LRIG1: variants seen among roughly 807,000 people sequenced by gnomAD.
The protein encoded by LRIG1 is leucine-rich repeats and immunoglobulin-like domains protein 1.
In LRIG1, 48 loss-of-function variants were observed where a neutral mutation model predicts 99.2. The observed-to-expected ratio is 0.48, with a 90% CI of 0.38 to 0.62. The LOEUF (loss-of-function observed/expected upper bound fraction) is 0.62. Ranked by LOEUF, LRIG1 falls within the 20% of genes least tolerant of loss-of-function variation. LRIG1 has a pLI of 0.00. For synonymous variants in LRIG1, 772 were observed against 596.1 expected (o/e 1.29, Z -4.30); for missense variants, 1,646 against 1,434.4 (o/e 1.15, Z -2.38).
intron 12 of LRIG1, among the ~76,000 whole-genome samples, chr3:66,391,694 G>A (rs1701625365): frequency 2.0e-5 from 3 of 152,074 alleles, no homozygotes; most frequent in Non-Finnish European, 2.9e-5. Context: ...AGATAATAGT[G>A]ATGGTTACAC....
chr3:66,476,385 C>A (rs1199798100), intron 1 of LRIG1, among the ~76,000 whole-genome samples: 1 of 152,136 alleles, frequency 6.6e-6, no homozygotes, highest in African/African-American at 2.4e-5. Flanking sequence ...CTCCTCTCCC[C>A]CAGATAAGGG....
chr3:66,384,462 C>T (rs1317980536), intron 13 of LRIG1, among the ~76,000 whole-genome samples, 190 bp from the exon 14 acceptor site: 1 of 152,168 alleles, frequency 6.6e-6, no homozygotes, highest in East Asian at 1.9e-4. Flanking sequence ...AGTTGGAACA[C>T]TTCCATCCCA....
chr3:66,465,457 G>C (rs13096693), intron 1 of LRIG1, among the ~76,000 whole-genome samples: 7 of 138,720 alleles, frequency 5.0e-5, no homozygotes, highest in African/African-American at 1.9e-4. Context: ...TCCACCTCTT[G>C]TTTTCAAGCA....
At chr3:66,391,390 G>A (rs982880726) in intron 12 of LRIG1, among the ~76,000 whole-genome samples, 1 of 152,022 alleles carries the variant, frequency 6.6e-6, no homozygotes, top group Non-Finnish European at 1.5e-5. Flanking sequence ...CAAAAAGTGG[G>A]GACAATCTAA....
At chr3:66,431,341 G>A (rs1024114251) in intron 3 of LRIG1, among the ~76,000 whole-genome samples, 1 of 152,248 alleles carries the variant, frequency 6.6e-6, no homozygotes, top group East Asian at 1.9e-4. Context: ...CAGAAAAGGT[G>A]AGATGGCAAC....
intron 2 of LRIG1, among the ~76,000 whole-genome samples, chr3:66,453,477 A>G (rs1257987622): frequency 6.6e-6 from 1 of 152,206 alleles, no homozygotes; most frequent in African/African-American, 2.4e-5. Flanking sequence ...GCAGTGGCCC[A>G]GGGTGCCTAG....
At chr3:66,460,475 T>TG (rs1324282341) in intron 2 of LRIG1, among the ~76,000 whole-genome samples, 1 of 152,160 alleles carries the variant, frequency 6.6e-6, no homozygotes, top group Non-Finnish European at 1.5e-5. Context: ...CATTTGGAGA[T>TG]GGGGCCTTTG....
In LRIG1 at chr3:66,414,971, C is replaced by T. The variant is rs1401949605; in HGVS notation, c.596G>A (p.Arg199Lys). The change falls in exon 5 of 19, where the codon AGG becomes AAG. Residue 199 changes from arginine (R) to lysine (K), a missense_variant. Transcript: ENST00000273261. ...SLLTLRLSKNRITQLPVRAFK... is the reference protein window; with the variant it reads ...SLLTLRLSKNKITQLPVRAFK... ...TGCTCTTACAGGAAGCTGGGTGATC[C>T]TGTTTTTGCTCAGGCGAAGAGTTAG... The T allele has an allele frequency of 1.9e-6, 3 of 1,612,414 alleles. No homozygotes were observed. The highest frequency in any genetic ancestry group is 2.5e-6 in the Non-Finnish European group (3 of 1,179,138).
intron 8 of LRIG1, chr3:66,405,663 A>G: frequency 9.8e-7 from 1 of 1,022,024 alleles, no homozygotes. Flanking sequence ...TACCAACCAG[A>G]GTCCCTTTTC....
At chr3:66,420,227 A>C (rs1182767013) in intron 3 of LRIG1, among the ~76,000 whole-genome samples, 4 of 152,214 alleles carry the variant, frequency 2.6e-5, no homozygotes, top group African/African-American at 9.6e-5. Flanking sequence ...GGAAATGTAA[A>C]CCACAACCAC....
At chr3:66,414,114 T>C (rs1702548333) in intron 5 of LRIG1, among the ~76,000 whole-genome samples, 2 of 151,974 alleles carry the variant, frequency 1.3e-5, no homozygotes, top group South Asian at 2.1e-4. Context: ...AAATAATAAA[T>C]CGGCCGGGTG....
intron 8 of LRIG1, chr3:66,405,968 C>G (rs1287389803): frequency 3.0e-6 from 3 of 995,690 alleles, no homozygotes; most frequent in Non-Finnish European, 3.6e-6. Context: ...GGTCACAGTG[C>G]CCAGGCGAGA....
Position 66,429,815 on chromosome 3 carries a change from GGA to G in LRIG1, c.366-12551_366-12550del, listed in dbSNP as rs1277433716. 7.3e-5 allele frequency among the ~76,000 whole-genome samples: 11 copies of G among 151,694 alleles called. No homozygotes were observed. The South Asian group carries it at 2.3e-3, about 32-fold the overall frequency. On this transcript the variant is annotated intron_variant, in intron 3 of 18. Coordinates refer to ENST00000273261, the MANE Select transcript of LRIG1 (RefSeq NM_015541.3). ...GTGTGTGTGTGTGTGTGTGTGAGGGGGAGAGAGAAGAGATGGCGGGGGCATAT... is the reference window on the plus strand; with the variant it reads ...GTGTGTGTGTGTGTGTGTGTGAGGGGGAGAGAAGAGATGGCGGGGGCATAT...
At chr3:66,467,335 C>A (rs1399901852) in intron 1 of LRIG1, among the ~76,000 whole-genome samples, 1 of 150,422 alleles carries the variant, frequency 6.6e-6, no homozygotes. Flanking sequence ...ATTAAGAATT[C>A]AGTTCCTTGG....
At chr3:66,396,015 G>A (rs1701836206) in intron 11 of LRIG1, among the ~76,000 whole-genome samples, 1 of 152,228 alleles carries the variant, frequency 6.6e-6, no homozygotes, top group African/African-American at 2.4e-5. Context: ...GGAACAAACG[G>A]GAAAACAAAT....
chr3:66,388,242 G>C (rs1374291848), intron 12 of LRIG1: 1 of 151,786 alleles, frequency 6.6e-6, no homozygotes, highest in Non-Finnish European at 1.5e-5. Flanking sequence ...ATTCACTAGA[G>C]GGGCTTGACA....
At chr3:66,492,755 G>C (rs1351696262) in intron 1 of LRIG1, among the ~76,000 whole-genome samples, 1 of 152,182 alleles carries the variant, frequency 6.6e-6, no homozygotes, top group Non-Finnish European at 1.5e-5. Context: ...AGGACTTGCA[G>C]AAATGAACAG....
intron 6 of LRIG1, among the ~76,000 whole-genome samples, chr3:66,412,574 A>G (rs1465579729): frequency 6.6e-6 from 1 of 152,188 alleles, no homozygotes; most frequent in Non-Finnish European, 1.5e-5. Context: ...GTGAAGCTGC[A>G]AAGGGAAGGG....
At chr3:66,443,682 G>C (rs1703622518) in intron 3 of LRIG1, among the ~76,000 whole-genome samples, 1 of 152,160 alleles carries the variant, frequency 6.6e-6, no homozygotes. Flanking sequence ...CAGCTAGACT[G>C]CCAGTTCCTT....
Sources: allele counts gnomAD v4.1 joint callset (sites outside exome capture counted in the v4.1 genomes callset), GRCh38; gene constraint gnomAD v4.1.1; transcripts MANE v1.5; gene names NCBI Gene and HGNC (gene_info 2026-07-23, HGNC 2026-07-21).